The following MFSD6 variants were observed in gnomAD, a reference collection of about 807,000 sequenced individuals.
The protein encoded by MFSD6 is major facilitator superfamily domain-containing protein 6.
In MFSD6, 26 loss-of-function variants were observed where a neutral mutation model predicts 56.3. The ratio of observed to expected loss-of-function variants is 0.46; its 90% CI spans 0.34 to 0.64. The LOEUF (loss-of-function observed/expected upper bound fraction) is 0.64. Among genes scored for constraint, MFSD6 ranks in the 30% least tolerant of loss-of-function variants. MFSD6 has a pLI of 0.01. For synonymous variants in MFSD6, 331 were observed against 366.9 expected (o/e 0.90, Z 1.12); for missense variants, 750 against 986.2 (o/e 0.76, Z 3.21).
In MFSD6 at chr2:190,411,584, T is replaced by G. The variant is rs1690568710; in HGVS notation, c.-176+3081T>G. 2.2e-5 allele frequency: 22 copies of G among 979,750 alleles called. No homozygotes were observed. The South Asian group carries it at 9.0e-4, about 40-fold the overall frequency. 60.7% of individuals were successfully genotyped at this position (979,750 alleles called of 1,614,324 possible). A position where few individuals can be genotyped will look rare whatever the true frequency, so the allele number is the denominator to read the frequency against. On this transcript the variant is annotated intron_variant, in intron 1 of 7. Transcript: ENST00000392328. The stretch of plus-strand genomic sequence containing the variant: ...AACAAGCATGTGTTCTCTTATTATA[T>G]AAACTAAAAAGGAAAACAAAAGAAG...
intron 3 of MFSD6, among the ~76,000 whole-genome samples, chr2:190,444,074 A>G (rs1218259354): frequency 2.0e-5 from 3 of 152,180 alleles, no homozygotes; most frequent in African/African-American, 7.2e-5. Context: ...AAGGAGAAAA[A>G]ATGAGTAGTC....
In MFSD6 at chr2:190,497,831, G is replaced by A. The variant is rs1689792212; in HGVS notation, c.2172+112G>A. On this transcript the variant is annotated intron_variant, in intron 7 of 7. Coordinates refer to ENST00000392328, the MANE Select transcript of MFSD6 (RefSeq NM_017694.4). The surrounding 1 kb of genome is among the most constrained non-coding windows in gnomAD (Gnocchi z 5.2). ...AACAAGATTTATTGAAAGTCTGGTG[G>A]GGGAAATAGACATGCAAACAATTTC... The A allele has an allele frequency of 3.1e-6, 4 of 1,292,810 alleles. No homozygotes were observed. Among genetic ancestry groups the A allele is most frequent in the East Asian group, 2.4e-5 (1 of 42,118 alleles). 80.1% of individuals were successfully genotyped at this position (1,292,810 alleles called of 1,614,324 possible). A position where few individuals can be genotyped will look rare whatever the true frequency, so the allele number is the denominator to read the frequency against.
At chr2:190,473,504 T>C (rs898929089) in intron 4 of MFSD6, among the ~76,000 whole-genome samples, 4 of 152,140 alleles carry the variant, frequency 2.6e-5, no homozygotes, top group African/African-American at 9.7e-5. Flanking sequence ...AAGGGATCAA[T>C]TCAACAAGAA....
rs1183299544 is a variant in MFSD6, at chr2:190,415,500, C to T, written c.-54+87C>T. The T allele has an allele frequency of 6.6e-6, 1 of 152,048 alleles. No individual in the cohort carries two copies. Among genetic ancestry groups the T allele is most frequent in the African/African-American group, 2.4e-5 (1 of 41,384 alleles). 9.4% of individuals were successfully genotyped at this position (152,048 alleles called of 1,614,324 possible). On this transcript the variant is annotated intron_variant, in intron 2 of 7. Transcript: ENST00000392328. This position sits in a 1 kb window ranked among gnomAD's most constrained non-coding sequence, Gnocchi z 4.5. ...GCCCATGCTGGTCTTAAACTCCTGG[C>T]TTCAAGTGATCCTCCCGCCTCTGTC...
Position 190,500,133 on chromosome 2 carries a change from A to C in MFSD6, c.2291A>C (p.Gln764Pro). Residue 764 changes from glutamine to proline, a missense_variant, in exon 8 of 8, where the codon CAG (glutamine) becomes CCG (proline). By Grantham distance (76) the Gln-to-Pro change is moderately conservative (BLOSUM62 -1). This residue lies in a region of MFSD6 where 172 missense variants were observed against 203.9 expected (regional missense o/e 0.84). Transcript: ENST00000392328. This position sits in a 1 kb window ranked among gnomAD's most constrained non-coding sequence, Gnocchi z 5.3. Reference sequence around the variant, plus strand: ...CCTGACGCAGCAGCATCTCAGACGCAGACCAGCCCCGCTCACCCCAGTGTG... The same window carrying C: ...CCTGACGCAGCAGCATCTCAGACGCCGACCAGCCCCGCTCACCCCAGTGTG... ...PSPDAAASQTQTSPAHPSVDP... is the reference protein window; with the variant it reads ...PSPDAAASQTPTSPAHPSVDP... The C allele has an allele frequency of 3.7e-6, 6 of 1,614,152 alleles. No homozygotes were observed. Among genetic ancestry groups the C allele is most frequent in the Non-Finnish European group, 5.1e-6 (6 of 1,180,014 alleles).
At chr2:190,455,763 C>T (rs897958794) in intron 3 of MFSD6, among the ~76,000 whole-genome samples, 4 of 145,092 alleles carry the variant, frequency 2.8e-5, no homozygotes, top group Admixed American at 6.9e-5. Context: ...GATGCCCTTC[C>T]TTTTTTTTTT....
Position 190,447,261 on chromosome 2 carries a change from G to GTTTTT in MFSD6, c.1532+9704_1532+9705insTTTTT, listed in dbSNP as rs1468696579. 1.3e-5 allele frequency among the ~76,000 whole-genome samples: 2 copies of GTTTTT among 152,126 alleles called. No homozygotes were observed. The highest frequency in any genetic ancestry group is 2.9e-5 in the Non-Finnish European group (2 of 68,006). Reference sequence around the variant, plus strand: ...AGTGATTTCAATTTTGTTTTGTTTTGTTTTGCTTTTAGCCAAAAGGACAGC... The same window carrying GTTTTT: ...AGTGATTTCAATTTTGTTTTGTTTTGTTTTTTTTTGCTTTTAGCCAAAAGGACAGC... On this transcript the variant is annotated intron_variant, in intron 3 of 7. Coordinates refer to ENST00000392328, the MANE Select transcript of MFSD6 (RefSeq NM_017694.4). This position sits in a 1 kb window ranked among gnomAD's most constrained non-coding sequence, Gnocchi z 4.5.
chr2:190,460,479 A>G (rs985027055), intron 3 of MFSD6, among the ~76,000 whole-genome samples: 1 of 152,200 alleles, frequency 6.6e-6, no homozygotes, highest in Admixed American at 6.5e-5. Flanking sequence ...TTCAATAAGT[A>G]TTTGTTAATT....
Position 190,408,389 on chromosome 2 carries a change from G to T in MFSD6, c.-290G>T. ...CCGGAGGAGCGCGCGAGCAGCCCGGGATGGTGCGCGCTGCCCCGACAGCCG... is the reference window on the plus strand; with the variant it reads ...CCGGAGGAGCGCGCGAGCAGCCCGGTATGGTGCGCGCTGCCCCGACAGCCG... On this transcript the variant is annotated 5_prime_UTR_variant, in exon 1 of 8. Transcript: ENST00000392328. 6.6e-6 allele frequency: 1 copy of T among 150,832 alleles called. No homozygotes were observed. The highest frequency in any genetic ancestry group is 1.8e-4 in the South Asian group (1 of 5,550). The allele number at this position is 150,832 out of a possible 1,614,324, so 9.3% of individuals were successfully genotyped here. A position where few individuals can be genotyped will look rare whatever the true frequency, so the allele number is the denominator to read the frequency against.
In MFSD6 at chr2:190,499,022, C is replaced by T. The variant is rs1240503168; in HGVS notation, c.2173-993C>T. Among the ~76,000 whole-genome samples the T allele has an allele frequency of 1.3e-5, 2 of 152,114 alleles. No homozygotes were observed. Among genetic ancestry groups the T allele is most frequent in the Non-Finnish European group, 2.9e-5 (2 of 68,016 alleles). ...AATTAGCTGGGCATGGTGGCGGGTG[C>T]CTGTAATCCCAGCTACTATGGAAGG... On this transcript the variant is annotated intron_variant, in intron 7 of 7. Transcript: ENST00000392328. This position sits in a 1 kb window ranked among gnomAD's most constrained non-coding sequence, Gnocchi z 6.0.
intron 2 of MFSD6, among the ~76,000 whole-genome samples, chr2:190,435,675 C>T (rs1489964527): frequency 6.6e-6 from 1 of 152,144 alleles, no homozygotes; most frequent in Non-Finnish European, 1.5e-5. Context: ...TTGGTTTAGA[C>T]ATAATCCCTA....
rs1042069249 is a variant in MFSD6 at position 190,439,613 on chromosome 2, G to C, written c.1532+2052G>C. 2.0e-5 allele frequency among the ~76,000 whole-genome samples: 3 copies of C among 152,132 alleles called. No individual in the cohort carries two copies. The highest frequency in any genetic ancestry group is 4.4e-5 in the Non-Finnish European group (3 of 68,028). ...GACTTGTGTGTTTCTTTCCTGTGTA[G>C]TATTAGTTACTCATCATTTCAAAAT... is the stretch of plus-strand genomic sequence containing the variant. On this transcript the variant is annotated intron_variant, in intron 3 of 7. Coordinates refer to ENST00000392328, the MANE Select transcript of MFSD6 (RefSeq NM_017694.4). This position sits in a 1 kb window ranked among gnomAD's most constrained non-coding sequence, Gnocchi z 5.8.
chr2:190,422,265 C>G (rs1377437687), intron 2 of MFSD6, among the ~76,000 whole-genome samples: 1 of 152,158 alleles, frequency 6.6e-6, no homozygotes, highest in African/African-American at 2.4e-5. Context: ...ACGGTCTCTC[C>G]TGAAACCTTC....
chr2:190,453,341 G>C (rs551860501), intron 3 of MFSD6, among the ~76,000 whole-genome samples: 30 of 152,256 alleles, frequency 2.0e-4, no homozygotes, highest in African/African-American at 7.0e-4. Context: ...GAATTTCTAT[G>C]AGATGGGGAG....
chr2:190,432,614 G>T (rs1005728252), intron 2 of MFSD6, among the ~76,000 whole-genome samples: 2 of 151,950 alleles, frequency 1.3e-5, no homozygotes, highest in Non-Finnish European at 2.9e-5. Context: ...ACAGGGTTTT[G>T]CCAAGTTGGC....
At position 190,488,898 on chromosome 2, in the gene MFSD6, A is replaced by T. The variant is rs964880851; in HGVS notation, c.1792+80A>T. 5.4e-6 allele frequency: 7 copies of T among 1,304,036 alleles called. No homozygotes were observed. In the Admixed American group the frequency reaches 1.1e-4, roughly 20 times the overall value. 80.8% of individuals were successfully genotyped at this position (1,304,036 alleles called of 1,614,324 possible). On this transcript the variant is annotated intron_variant, in intron 5 of 7. Coordinates refer to ENST00000392328, the MANE Select transcript of MFSD6 (RefSeq NM_017694.4). The surrounding 1 kb of genome is among the most constrained non-coding windows in gnomAD (Gnocchi z 6.4). The stretch of plus-strand genomic sequence containing the variant: ...CCAGCAATACCTCAATAAACAATCC[A>T]ATTATTACTGAAGATTGCCCAAAGC...
rs1182513273 is a variant in MFSD6, at chr2:190,462,231, T to C, written c.1533-7527T>C. 1.3e-5 allele frequency among the ~76,000 whole-genome samples: 2 copies of C among 152,164 alleles called. No homozygotes were observed. The highest frequency in any genetic ancestry group is 2.9e-5 in the Non-Finnish European group (2 of 68,030). ...TGGAGAAATGGGAACAGAATAACCA[T>C]TGTTTTAAGAGATTTACCTCATGGT... On this transcript the variant is annotated intron_variant, in intron 3 of 7. Transcript: ENST00000392328. This position sits in a 1 kb window ranked among gnomAD's most constrained non-coding sequence, Gnocchi z 5.7.
Position 190,437,251 on chromosome 2 carries a change from A to G in MFSD6, c.1222A>G (p.Ile408Val). 1 of 1,614,180 alleles carries G rather than the reference A, an allele frequency of 6.2e-7. No individual in the cohort carries two copies. The highest frequency in any genetic ancestry group is 8.5e-7 in the Non-Finnish European group (1 of 1,180,022). Residue 408 changes from isoleucine (I) to valine (V), a missense_variant, in exon 3 of 8, where the codon ATC (isoleucine) becomes GTC (valine). Around this residue, in one of 5 missense-constraint regions of MFSD6, gnomAD observed 376 missense variants for 437.9 expected, o/e 0.86. Coordinates refer to ENST00000392328, the MANE Select transcript of MFSD6 (RefSeq NM_017694.4). This position sits in a 1 kb window ranked among gnomAD's most constrained non-coding sequence, Gnocchi z 5.9. ...TGATTCTAAAGGGAAAGAGGTGGAGATCCCGCAGGTGGAAAGGAACAACTC... is the reference window on the plus strand; with the variant it reads ...TGATTCTAAAGGGAAAGAGGTGGAGGTCCCGCAGGTGGAAAGGAACAACTC... Reference protein sequence around the residue: ...NDDSKGKEVEIPQVERNNSTE... With the variant: ...NDDSKGKEVEVPQVERNNSTE...
At position 190,461,180 on chromosome 2, in the gene MFSD6, G is replaced by A. The variant is rs1687309773; in HGVS notation, c.1533-8578G>A. Among the ~76,000 whole-genome samples the A allele has an allele frequency of 6.6e-6, 1 of 152,214 alleles. No homozygotes were observed. ...AAGCCAAAATAGAAACCCAGACAGT[G>A]ATCCCTTCAGGTTGAGAACCATGGG... On this transcript the variant is annotated intron_variant, in intron 3 of 7. Coordinates refer to ENST00000392328, the MANE Select transcript of MFSD6 (RefSeq NM_017694.4). This position sits in a 1 kb window ranked among gnomAD's most constrained non-coding sequence, Gnocchi z 5.5.
Sources: gnomAD v4.1 joint callset for allele counts (sites outside exome capture counted in the v4.1 genomes callset) on GRCh38, gnomAD v4.1.1 for gene constraint, gnomAD v4.1.1 regional missense constraint, Gnocchi (gnomAD v3.1) non-coding constraint, MANE v1.5 for transcripts, NCBI Gene and HGNC (gene_info 2026-07-23, HGNC 2026-07-21) for gene names.